TRMO: variants seen among roughly 807,000 people sequenced by gnomAD.
TRMO encodes the protein tRNA (adenine(37)-N6)-methyltransferase.
TRMO carries 30 observed loss-of-function variants against 37.2 expected under a neutral mutation model. The observed-to-expected ratio is 0.81, with a 90% CI of 0.60 to 1.09. The LOEUF (loss-of-function observed/expected upper bound fraction) is 1.09, where lower values mean the gene tolerates loss of function less well. TRMO is among the 50% of genes least tolerant of loss of function. The probability of loss-of-function intolerance (pLI) is 0.00; values close to 1 mark genes in which losing one functional copy is unlikely to be tolerated. For missense variants in TRMO, 552 were observed against 549.5 expected, an observed-to-expected ratio of 1.00 and a Z score of -0.05; for synonymous variants, 239 against 199.4, an observed-to-expected ratio of 1.20 and a Z score of -1.67.
chr9:97,910,113 T>C lies in TRMO; in HGVS notation c.913A>G (p.Thr305Ala). 2 of 1,614,166 alleles carry C rather than the reference T, an allele frequency of 1.2e-6. No homozygotes were observed. The highest frequency in any genetic ancestry group is 1.7e-6 in the Non-Finnish European group (2 of 1,180,002). ...AAVLQGSRAETQPMAPHCPAG... is the reference protein window; with the variant it reads ...AAVLQGSRAEAQPMAPHCPAG... The stretch of plus-strand genomic sequence containing the variant: ...GGGCAGTGAGGGGCCATGGGCTGTG[T>C]CTCTGCCCTGCTTCCTTGCAAGACT... Residue 305 changes from threonine to alanine, a missense_variant, in exon 4 of 5, where the codon ACA becomes GCA. Transcript: ENST00000375119.
At chr9:97,900,825 C>T (rs1372645019), downstream of TRMO, 1 of 538,194 alleles carries the variant, frequency 1.9e-6, no homozygotes, top group African/African-American at 2.1e-5. Flanking sequence ...TTCACGTCAA[C>T]TTCATTTTCT....
chr9:97,913,878 T>C (rs1191999028), intron 2 of TRMO: 1 of 227,848 alleles, frequency 4.4e-6, no homozygotes, highest in Non-Finnish European at 8.7e-6. Flanking sequence ...CGGTAAAACA[T>C]TTTTACACTC....
At chr9:97,907,352 G>A (rs750285935) in intron 4 of TRMO, among the ~76,000 whole-genome samples, 1 of 152,108 alleles carries the variant, frequency 6.6e-6, no homozygotes, top group Non-Finnish European at 1.5e-5. Context: ...GAAGAAATGG[G>A]GAAATCTCAG....
chr9:97,897,300 T>C, the TRMO span, among the ~76,000 whole-genome samples: 1 of 152,250 alleles, frequency 6.6e-6, no homozygotes, highest in Admixed American at 6.5e-5. Flanking sequence ...ACAACGAGTT[T>C]CAGAGAAATA....
chr9:97,922,456 G>A lies in TRMO; in HGVS notation c.38C>T (p.Ala13Val). 2 of 1,587,860 alleles carry A rather than the reference G, an allele frequency of 1.3e-6. No homozygotes were observed. The highest frequency in any genetic ancestry group is 1.1e-5 in the South Asian group (1 of 87,344). ...CGGCTTAACGCAGCCGCACGGGGTC[G>A]CTGTAGGCCGAGGCCCCGACTCCTC... The part of the protein sequence containing the change: ...GLEESGPRPT[A>V]TPCGCVKPAL... The change falls in exon 1 of 5, where the codon GCG becomes GTG. Residue 13 changes from alanine (A) to valine (V), a missense_variant. Transcript: ENST00000375119.
At position 97,910,216 on chromosome 9, in the gene TRMO, T is replaced by C. The variant is rs1564107460; in HGVS notation, c.810A>G (p.Gln270=). Residue 270 remains glutamine (Q), a synonymous_variant, in exon 4 of 5, where the codon CAA becomes CAG. Coordinates refer to ENST00000375119, the MANE Select transcript of TRMO (RefSeq NM_016481.5). ...TCTTCTCTGGGCAATATGGGCCAAT[T>C]TGTTCTTCTGCCACGCTGGAACTCT... is the stretch of plus-strand genomic sequence containing the variant. ...RDQSSSVAEE[Q]IGPYCPEKSF... is the part of the protein sequence containing the mutation. 3 of 1,614,238 alleles carry C rather than the reference T, an allele frequency of 1.9e-6. No individual in the cohort carries two copies. Among genetic ancestry groups the C allele is most frequent in the East Asian group, 4.5e-5 (2 of 44,882 alleles).
chr9:97,922,478 C>T lies in TRMO; in HGVS notation c.16G>A (p.Glu6Lys), dbSNP rs762557863. Reference sequence around the variant, plus strand: ...GTCGCTGTAGGCCGAGGCCCCGACTCCTCCAAGCCGCGCATGGCTACTGGT... The same window carrying T: ...GTCGCTGTAGGCCGAGGCCCCGACTTCTCCAAGCCGCGCATGGCTACTGGT... MRGLE[E>K]SGPRPTATPC... is the part of the protein sequence containing the mutation. The change falls in exon 1 of 5, where the codon GAG (glutamate) becomes AAG (lysine). Residue 6 changes from glutamate to lysine, a missense_variant. Physicochemically the swap from Glu to Lys is moderately conservative, Grantham distance 56. Coordinates refer to ENST00000375119, the MANE Select transcript of TRMO (RefSeq NM_016481.5). 2.8e-5 allele frequency: 45 copies of T among 1,579,558 alleles called. No homozygotes were observed. The Admixed American group carries it at 5.1e-4, about 18-fold the overall frequency.
chr9:97,915,920 G>A (rs915240565), intron 2 of TRMO: 10 of 317,800 alleles, frequency 3.1e-5, no homozygotes, highest in Non-Finnish European at 5.7e-5. Flanking sequence ...ATACACCTGC[G>A]GTCCCAGCTA....
intron 4 of TRMO, among the ~76,000 whole-genome samples, chr9:97,907,370 T>G (rs1307010824): frequency 6.6e-6 from 1 of 152,220 alleles, no homozygotes; most frequent in Admixed American, 6.5e-5. Flanking sequence ...CAGAGTCAGT[T>G]GGCATGTATC....
chr9:97,920,187 A>ACCT (rs2131542164), intron 1 of TRMO, among the ~76,000 whole-genome samples: 1 of 152,358 alleles, frequency 6.6e-6, no homozygotes, highest in Non-Finnish European at 1.5e-5. Context: ...TGGGGTACAA[A>ACCT]TATGAACCAG....
rs1358724681 is a variant in TRMO at position 97,910,667 on chromosome 9, T to C, written c.410-51A>G. On this transcript the variant is annotated intron_variant, in intron 3 of 4. Transcript: ENST00000375119. ...AAGAACAGTGCAAACACTTGGAGAA[T>C]ACAGTCACGCCCCAGAATCCTCTAA... 5.7e-6 allele frequency: 9 copies of C among 1,582,844 alleles called. No homozygotes were observed. In the African/African-American group the frequency reaches 6.7e-5, roughly 12 times the overall value.
chr9:97,903,404 C>T (rs1825729675), downstream of TRMO, among the ~76,000 whole-genome samples: 3 of 152,204 alleles, frequency 2.0e-5, no homozygotes, highest in Non-Finnish European at 4.4e-5. Context: ...CACAAGTATC[C>T]ACAGGCAGCA....
chr9:97,903,203 G>C (rs1205784768), downstream of TRMO, among the ~76,000 whole-genome samples: 1 of 152,098 alleles, frequency 6.6e-6, no homozygotes, highest in African/African-American at 2.4e-5. Flanking sequence ...GGGAGGTTAA[G>C]GCTGCAGTGA....
chr9:97,909,747 T>C (rs1826022511), intron 4 of TRMO, among the ~76,000 whole-genome samples: 1 of 152,192 alleles, frequency 6.6e-6, no homozygotes, highest in South Asian at 2.1e-4. Flanking sequence ...TGCCAATGCT[T>C]TACTGACAGC....
Position 97,922,460 on chromosome 9 carries a change from T to G in TRMO, c.34A>C (p.Thr12Pro), listed in dbSNP as rs779127924. ...TTAACGCAGCCGCACGGGGTCGCTG[T>G]AGGCCGAGGCCCCGACTCCTCCAAG... ...RGLEESGPRP[T>P]ATPCGCVKPA... is the part of the protein sequence containing the mutation. The change falls in exon 1 of 5, where the codon ACA becomes CCA. Residue 12 changes from threonine (T) to proline (P), a missense_variant. Transcript: ENST00000375119. The G allele has an allele frequency of 1.3e-6, 2 of 1,588,248 alleles. No homozygotes were observed. The highest frequency in any genetic ancestry group is 1.7e-6 in the Non-Finnish European group (2 of 1,168,558).
downstream of TRMO, among the ~76,000 whole-genome samples, chr9:97,901,663 C>A (rs1831172348): frequency 6.6e-6 from 1 of 151,102 alleles, no homozygotes; most frequent in South Asian, 2.1e-4. Flanking sequence ...TTTGAGGGAA[C>A]TTTTATCATT....
In TRMO at chr9:97,910,026, C is replaced by T; in HGVS notation, c.1000G>A (p.Val334Met). ...VVPAWVTEAP[V>M]ATLEVRFTPH... is the part of the protein sequence containing the mutation. ...GTAAACCGCACTTCTAAAGTGGCCA[C>T]AGGAGCCTCTGTCACCCAGGCAGGA... Residue 334 changes from valine to methionine, a missense_variant, in exon 4 of 5, where the codon GTG (valine) becomes ATG (methionine). Physicochemically the swap from Val to Met is conservative, Grantham distance 21. Transcript: ENST00000375119. The T allele has an allele frequency of 6.2e-7, 1 of 1,606,666 alleles. No individual in the cohort carries two copies. The highest frequency in any genetic ancestry group is 2.2e-5 in the East Asian group (1 of 44,726).
chr9:97,902,567 G>T (rs925328027), downstream of TRMO, among the ~76,000 whole-genome samples: 2 of 152,180 alleles, frequency 1.3e-5, no homozygotes, highest in Non-Finnish European at 2.9e-5. Flanking sequence ...CTCCCAGAGT[G>T]CTGGGATTAC....
downstream of TRMO, among the ~76,000 whole-genome samples, chr9:97,901,821 A>C (rs187849302): frequency 3.6e-4 from 55 of 152,034 alleles, no homozygotes; most frequent in Admixed American, 2.0e-4. Flanking sequence ...AGACAGACAG[A>C]CAGCTTGTTT....
Sources: allele counts gnomAD v4.1 joint callset (sites outside exome capture counted in the v4.1 genomes callset), GRCh38; gene constraint gnomAD v4.1.1; transcripts MANE v1.5; gene names NCBI Gene and HGNC (gene_info 2026-07-23, HGNC 2026-07-21).